Variants in RASA2 observed in about 807,000 individuals in gnomAD.
RASA2 encodes the protein ras GTPase-activating protein 2.
In RASA2, 155 loss-of-function variants were observed where a neutral mutation model predicts 118.2. That is an observed-to-expected ratio of 1.31 (90% CI 1.15 to 1.50). The LOEUF is 1.50. Ranked by LOEUF, RASA2 falls within the 40% of genes most tolerant of loss-of-function variation. RASA2 has a pLI of 0.00. For synonymous variants in RASA2, 353 were observed against 349.1 expected (o/e 1.01, Z -0.12); for missense variants, 1,016 against 1,009.6 (o/e 1.01, Z -0.09).
At chr3:141,504,259 G>A (rs911638645) in intron 1 of RASA2, among the ~76,000 whole-genome samples, 1 of 152,102 alleles carries the variant, frequency 6.6e-6, no homozygotes, top group Non-Finnish European at 1.5e-5. Flanking sequence ...ATTTTGTATT[G>A]TCTCTTGGTT....
chr3:141,603,530 C>G (rs958225808), intron 19 of RASA2, among the ~76,000 whole-genome samples: 2 of 151,914 alleles, frequency 1.3e-5, no homozygotes, highest in African/African-American at 4.8e-5. Context: ...GAGATCATGC[C>G]ATTGTACTCC....
At chr3:141,512,517 CA>C (rs2081966911) in intron 2 of RASA2, among the ~76,000 whole-genome samples, 1 of 152,118 alleles carries the variant, frequency 6.6e-6, no homozygotes, top group African/African-American at 2.4e-5. Flanking sequence ...GAACTTTCCT[CA>C]AAGTACATCT....
chr3:141,500,348 G>T (rs557629817), intron 1 of RASA2, among the ~76,000 whole-genome samples: 1 of 152,220 alleles, frequency 6.6e-6, no homozygotes, highest in East Asian at 1.9e-4. Flanking sequence ...TCTCCATTCA[G>T]AACTGTTAAA....
intron 9 of RASA2, among the ~76,000 whole-genome samples, chr3:141,569,995 T>C (rs1437018734): frequency 6.6e-6 from 1 of 152,126 alleles, no homozygotes; most frequent in Admixed American, 6.5e-5. Flanking sequence ...ACAAGATTAG[T>C]CTTCAGTTGA....
At chr3:141,549,214 A>T (rs1332382640) in intron 5 of RASA2, among the ~76,000 whole-genome samples, 1 of 152,072 alleles carries the variant, frequency 6.6e-6, no homozygotes, top group African/African-American at 2.4e-5. Flanking sequence ...TGAGCTCTGG[A>T]TTCCATTTAT....
intron 1 of RASA2, among the ~76,000 whole-genome samples, chr3:141,495,036 T>C (rs1451212197): frequency 6.6e-6 from 1 of 152,212 alleles, no homozygotes; most frequent in African/African-American, 2.4e-5. Context: ...TGAAGACTTA[T>C]AAACAAAAGT....
At chr3:141,540,668 G>T in intron 5 of RASA2, 59 bp downstream of exon 5, 1 of 1,426,980 alleles carries the variant, frequency 7.0e-7, no homozygotes, top group Non-Finnish European at 9.7e-7. Flanking sequence ...GTATTCTTTC[G>T]ATTTTAAGCC....
At chr3:141,552,950 T>C (rs898298911) in intron 5 of RASA2, among the ~76,000 whole-genome samples, 3 of 152,176 alleles carry the variant, frequency 2.0e-5, no homozygotes, top group African/African-American at 7.2e-5. Context: ...CTCAGTAATA[T>C]TTAGTGAGAA....
chr3:141,524,189 T>C (rs1048659747), intron 3 of RASA2, among the ~76,000 whole-genome samples: 2 of 152,084 alleles, frequency 1.3e-5, no homozygotes, highest in Non-Finnish European at 2.9e-5. Context: ...ATCTGGGAGA[T>C]TGGGGCTGGC....
intron 8 of RASA2, 152 bp from the exon 9 acceptor site, chr3:141,559,742 T>C: frequency 1.8e-6 from 1 of 565,218 alleles, no homozygotes; most frequent in Non-Finnish European, 3.1e-6. Context: ...TTCTCTAGTC[T>C]GGATAGTGAG....
intron 4 of RASA2, among the ~76,000 whole-genome samples, chr3:141,540,128 G>A (rs1023933802): frequency 1.3e-5 from 2 of 152,108 alleles, no homozygotes; most frequent in African/African-American, 2.4e-5. Context: ...TTTTAGAATT[G>A]TATGATTTCT....
chr3:141,543,349 T>C (rs893431529), intron 5 of RASA2, among the ~76,000 whole-genome samples: 1 of 152,326 alleles, frequency 6.6e-6, no homozygotes, highest in Admixed American at 6.5e-5. Flanking sequence ...CCATTTGTAA[T>C]ATACTTTGTC....
chr3:141,603,625 C>G (rs1268563549), intron 19 of RASA2, among the ~76,000 whole-genome samples: 3 of 151,936 alleles, frequency 2.0e-5, no homozygotes, highest in African/African-American at 7.2e-5. Context: ...TAAAATTCAC[C>G]CTTTTAAGGT....
intron 1 of RASA2, among the ~76,000 whole-genome samples, chr3:141,494,979 G>A (rs941629808): frequency 6.6e-6 from 1 of 152,168 alleles, no homozygotes; most frequent in African/African-American, 2.4e-5. Flanking sequence ...CTTATATAAC[G>A]TCTGATGGTT....
intron 23 of RASA2, among the ~76,000 whole-genome samples, chr3:141,611,569 G>T (rs1272053583): frequency 2.6e-5 from 4 of 152,136 alleles, no homozygotes; most frequent in Admixed American, 2.6e-4. Flanking sequence ...TTTACAGCTA[G>T]AGAAACGGAG....
At chr3:141,539,352 T>G (rs909829877) in intron 4 of RASA2, among the ~76,000 whole-genome samples, 1 of 152,232 alleles carries the variant, frequency 6.6e-6, no homozygotes, top group Non-Finnish European at 1.5e-5. Flanking sequence ...CCTTTAGACC[T>G]TAGCTTTCTC....
At chr3:141,601,727 A>T (rs939702350) in intron 19 of RASA2, among the ~76,000 whole-genome samples, 1 of 152,086 alleles carries the variant, frequency 6.6e-6, no homozygotes, top group Non-Finnish European at 1.5e-5. Context: ...GAACCATAAG[A>T]TAATGTTTTT....
intron 2 of RASA2, among the ~76,000 whole-genome samples, chr3:141,512,559 T>C (rs900310509): frequency 6.6e-6 from 1 of 152,242 alleles, no homozygotes; most frequent in African/African-American, 2.4e-5. Flanking sequence ...ATAAGTTACT[T>C]AAAGTTCATA....
Position 141,615,038 on chromosome 3 carries a change from G to A in RASA2, c.*2725G>A, listed in dbSNP as rs2083708028. 1 of 152,024 alleles carries A rather than the reference G, an allele frequency of 6.6e-6. No homozygotes were observed. The highest frequency in any genetic ancestry group is 1.5e-5 in the Non-Finnish European group (1 of 67,994). The allele number at this position is 152,024 out of a possible 1,614,324, so 9.4% of individuals were successfully genotyped here. A position where few individuals can be genotyped will look rare whatever the true frequency, so the allele number is the denominator to read the frequency against. On this transcript the variant is annotated 3_prime_UTR_variant, in exon 24 of 24. Coordinates refer to ENST00000286364, the MANE Select transcript of RASA2 (RefSeq NM_006506.5). ...GACAGAATTCTGCATAGCCTTTTAG[G>A]TGTTTTTACAGTATGTGAAAAATAC...
Sources: allele counts gnomAD v4.1 joint callset (sites outside exome capture counted in the v4.1 genomes callset), GRCh38; gene constraint gnomAD v4.1.1; transcripts MANE v1.5; gene names NCBI Gene and HGNC (gene_info 2026-07-23, HGNC 2026-07-21).